CSMD1: variants seen among roughly 807,000 people sequenced by gnomAD.
CSMD1 encodes the protein CUB and Sushi multiple domains 1, also known as CUB and sushi domain-containing protein 1.
Under a neutral mutation model 417.5 loss-of-function variants are expected in CSMD1, and 213 were observed. The observed-to-expected ratio is 0.51, with a 90% CI of 0.46 to 0.57. CSMD1 has a LOEUF of 0.57. CSMD1 is among the 20% of genes least tolerant of loss of function. The pLI, the probability that CSMD1 is intolerant of heterozygous loss-of-function variation, is 0.00. For synonymous variants in CSMD1, 2,862 were observed against 1,736.8 expected, an observed-to-expected ratio of 1.65 and a Z score of -16.11; for missense variants, 6,923 against 4,529.7, an observed-to-expected ratio of 1.53 and a Z score of -15.17.
At chr8:4,978,983 AG>A (rs1563921384) in intron 1 of CSMD1, among the ~76,000 whole-genome samples, 1 of 152,194 alleles carries the variant, frequency 6.6e-6, no homozygotes, top group African/African-American at 2.4e-5. Flanking sequence ...CTCTGGAGAA[AG>A]TAGTAGCAAA....
rs147926264 is a variant in CSMD1, at chr8:3,647,778, G to C, written c.1010-30981C>G. ...AGTGAGACAGAGAGAAAGAGTGAGA[G>C]AAAGAGAGAGAGATATTGAAAAGTA... On this transcript the variant is annotated intron_variant, in intron 7 of 69. Coordinates refer to ENST00000635120, the MANE Select transcript of CSMD1 (RefSeq NM_033225.6). Among the ~76,000 whole-genome samples the C allele has an allele frequency of 2.6e-3, 390 of 152,288 alleles. 2 individuals are homozygous for C. Among genetic ancestry groups the C allele is most frequent in the African/African-American group, 8.8e-3 (364 of 41,556 alleles).
intron 30 of CSMD1, among the ~76,000 whole-genome samples, chr8:3,211,327 G>T (rs1797594000): frequency 6.6e-6 from 1 of 152,346 alleles, no homozygotes; most frequent in Admixed American, 6.5e-5. Context: ...TTACAGGCAT[G>T]AGCAGCTTTG....
At chr8:3,160,803 CAGG>C (rs1819840969) in intron 38 of CSMD1, among the ~76,000 whole-genome samples, 1 of 152,212 alleles carries the variant, frequency 6.6e-6, no homozygotes, top group African/African-American at 2.4e-5. Context: ...CACGGTTGAT[CAGG>C]AGAAGTGAGA....
intron 44 of CSMD1, among the ~76,000 whole-genome samples, 188 bp downstream of exon 44, chr8:3,108,415 T>C (rs147679003): frequency 1.2e-3 from 186 of 152,302 alleles, no homozygotes; most frequent in African/African-American, 3.9e-3. Context: ...CTGGATACGA[T>C]GTGAAATAAT....
chr8:3,563,821 G>A lies in CSMD1; in HGVS notation c.1344+11124C>T, dbSNP rs574716742. Among the ~76,000 whole-genome samples, 6 of 152,202 alleles carry A rather than the reference G, an allele frequency of 3.9e-5. No homozygotes were observed. In the East Asian group the frequency reaches 5.8e-4, roughly 15 times the overall value. Reference sequence around the variant, plus strand: ...GGAGAATTTCTTGATCTCAGGAGGCGGAGGTTGCAGTGAGCCAAGAGTATG... The same window carrying A: ...GGAGAATTTCTTGATCTCAGGAGGCAGAGGTTGCAGTGAGCCAAGAGTATG... On this transcript the variant is annotated intron_variant, in intron 10 of 69. Transcript: ENST00000635120.
chr8:4,257,376 T>G (rs985624164), intron 3 of CSMD1, among the ~76,000 whole-genome samples: 1 of 152,148 alleles, frequency 6.6e-6, no homozygotes, highest in African/African-American at 2.4e-5. Context: ...TAGAAAATTA[T>G]ATATTACCAT....
At chr8:4,204,392 A>T (rs1488320418) in intron 3 of CSMD1, among the ~76,000 whole-genome samples, 2 of 152,194 alleles carry the variant, frequency 1.3e-5, no homozygotes, top group Non-Finnish European at 2.9e-5. Flanking sequence ...TCTGTTCTAC[A>T]AATTAGGAAA....
intron 1 of CSMD1, among the ~76,000 whole-genome samples, chr8:4,750,961 T>A (rs1676949): frequency 0.76 from 115,603 of 151,676 alleles, 44,205 homozygotes; most frequent in Admixed American, 0.8. Context: ...CATGTCTGTA[T>A]TGACACTTTA....
chr8:4,029,195 ACG>A lies in CSMD1; in HGVS notation c.610+2708_610+2709del, dbSNP rs1360530135. Among the ~76,000 whole-genome samples, 449 of 152,178 alleles carry A rather than the reference ACG, an allele frequency of 3.0e-3. 3 individuals carry two copies. The highest frequency in any genetic ancestry group is 0.01 in the African/African-American group (432 of 41,414). ...TGGCATCAAATCTTTGAATCCTACA[ACG>A]AGAGGTGATGAAAATAGGCAGAAAT... is the stretch of plus-strand genomic sequence containing the variant. On this transcript the variant is annotated intron_variant, in intron 4 of 69. Coordinates refer to ENST00000635120, the MANE Select transcript of CSMD1 (RefSeq NM_033225.6).
At chr8:4,238,997 C>A (rs915338161) in intron 3 of CSMD1, among the ~76,000 whole-genome samples, 7 of 152,212 alleles carry the variant, frequency 4.6e-5, no homozygotes, top group African/African-American at 1.7e-4. Context: ...CTTCCCATCA[C>A]TATGGCTACA....
intron 54 of CSMD1, among the ~76,000 whole-genome samples, chr8:2,987,373 A>G (rs897221576): frequency 2.0e-5 from 3 of 149,180 alleles, no homozygotes; most frequent in African/African-American, 7.3e-5. Flanking sequence ...ATAAATAAGA[A>G]ATATATAAGT....
At chr8:3,616,668 TA>T in intron 8 of CSMD1, 41 bp downstream of exon 8, 1 of 1,304,562 alleles carries the variant, frequency 7.7e-7, no homozygotes, top group Non-Finnish European at 1.1e-6. Flanking sequence ...ATATATGTCT[TA>T]AAAATAACAT....
chr8:3,884,694 C>T (rs1337803117), intron 5 of CSMD1, among the ~76,000 whole-genome samples: 1 of 152,012 alleles, frequency 6.6e-6, no homozygotes, highest in Admixed American at 6.6e-5. Flanking sequence ...AATTTTAGTA[C>T]TAACTCAACT....
intron 3 of CSMD1, among the ~76,000 whole-genome samples, chr8:4,202,563 T>TA (rs1354686868): frequency 2.0e-5 from 3 of 152,216 alleles, no homozygotes; most frequent in Non-Finnish European, 4.4e-5. Flanking sequence ...CTCGACAAAT[T>TA]ACTCCTGTAT....
chr8:3,509,345 C>T (rs1796966388), intron 10 of CSMD1, among the ~76,000 whole-genome samples: 1 of 152,182 alleles, frequency 6.6e-6, no homozygotes, highest in Non-Finnish European at 1.5e-5. Context: ...TTCACTGTTT[C>T]TTTAGCCAAG....
chr8:4,352,259 G>C (rs1211092169), intron 3 of CSMD1, among the ~76,000 whole-genome samples: 1 of 152,198 alleles, frequency 6.6e-6, no homozygotes, highest in Non-Finnish European at 1.5e-5. Context: ...AAATGGAAAT[G>C]AACTCACCTG....
intron 5 of CSMD1, among the ~76,000 whole-genome samples, chr8:3,853,035 G>A (rs369828852): frequency 7.0e-4 from 107 of 152,064 alleles, no homozygotes; most frequent in African/African-American, 2.5e-3. Context: ...TACATCTCCC[G>A]TCCTCATGTC....
chr8:3,307,777 A>C lies in CSMD1; in HGVS notation c.3868T>G (p.Leu1290Val). 6.2e-7 allele frequency: 1 copy of C among 1,613,710 alleles called. No individual in the cohort carries two copies. The highest frequency in any genetic ancestry group is 8.5e-7 in the Non-Finnish European group (1 of 1,179,698). ...QIHAATSGRI[L>V]SPGYPAPYDN... ...TACGGAGCTGGATAGCCAGGGGACA[A>C]TATTCGTCCTGATGTGGCTGCATGG... Residue 1290 changes from leucine (L) to valine (V), a missense_variant, in exon 25 of 70, where the codon TTG becomes GTG. Transcript: ENST00000635120.
chr8:3,787,605 G>A (rs1049697204), intron 5 of CSMD1, among the ~76,000 whole-genome samples: 1 of 152,130 alleles, frequency 6.6e-6, no homozygotes, highest in African/African-American at 2.4e-5. Context: ...TGCTACAACA[G>A]TTAATTCTGT....
Sources: allele counts gnomAD v4.1 joint callset (sites outside exome capture counted in the v4.1 genomes callset), GRCh38; gene constraint gnomAD v4.1.1; transcripts MANE v1.5; gene names NCBI Gene and HGNC (gene_info 2026-07-23, HGNC 2026-07-21).